Variants in TNRC6B observed in about 807,000 individuals in gnomAD.
The protein encoded by TNRC6B is trinucleotide repeat-containing gene 6B protein.
A neutral mutation model predicts 203.6 loss-of-function variants in TNRC6B; 52 were observed. The observed-to-expected ratio is 0.26, with a 90% CI of 0.20 to 0.32. TNRC6B has a LOEUF of 0.32. Among genes scored for constraint, TNRC6B ranks in the 10% least tolerant of loss-of-function variants. The pLI is 1.00. For synonymous variants in TNRC6B, 838 were observed against 845.7 expected (o/e 0.99, Z 0.16); for missense variants, 1,923 against 2,286.2 (o/e 0.84, Z 3.24).
At chr22:40,313,052 C>T in intron 19 of TNRC6B, 55 bp downstream of exon 19, 1 of 1,407,986 alleles carries the variant, frequency 7.1e-7, no homozygotes, top group Non-Finnish European at 9.9e-7. Flanking sequence ...ATCAGGTTCC[C>T]TTTTATAAAG....
In TNRC6B at chr22:40,300,571, T is replaced by G. The variant is rs1286524073; in HGVS notation, c.3825T>G (p.Ile1275Met). ...QIAMLSQLPQ[I>M]PQFQLACQLL... Reference sequence around the variant, plus strand: ...CCATGCTGAGCCAGCTTCCACAAATTCCCCAGTTTCAGTTGGTAAGTAGAA... The same window carrying G: ...CCATGCTGAGCCAGCTTCCACAAATGCCCCAGTTTCAGTTGGTAAGTAGAA... The change falls in exon 13 of 23, where the codon ATT (isoleucine) becomes ATG (methionine). Residue 1275 changes from isoleucine to methionine, a missense_variant. Ile to Met is a conservative substitution (Grantham distance 10, BLOSUM62 1). Transcript: ENST00000454349. 6.2e-7 allele frequency: 1 copy of G among 1,609,500 alleles called. No individual in the cohort carries two copies. The highest frequency in any genetic ancestry group is 8.5e-7 in the Non-Finnish European group (1 of 1,178,716).
chr22:40,270,587 G>A (rs940435297), intron 6 of TNRC6B, among the ~76,000 whole-genome samples: 1 of 151,962 alleles, frequency 6.6e-6, no homozygotes, highest in African/African-American at 2.4e-5. Flanking sequence ...CAAAGTCCTG[G>A]GACTACAGGC....
chr22:40,255,148 C>G (rs1335509271), intron 3 of TNRC6B, among the ~76,000 whole-genome samples: 3 of 152,184 alleles, frequency 2.0e-5, no homozygotes, highest in Non-Finnish European at 4.4e-5. Flanking sequence ...GTGTCTGACA[C>G]TTAACAGTTC....
At chr22:40,260,430 G>C (rs1284741086) in intron 3 of TNRC6B, among the ~76,000 whole-genome samples, 1 of 152,162 alleles carries the variant, frequency 6.6e-6, no homozygotes, top group South Asian at 2.1e-4. Context: ...GGCCTGGTGA[G>C]GGAGAAGGAC....
upstream of TNRC6B, chr22:40,177,791 A>T: frequency 8.0e-7 from 1 of 1,251,144 alleles, no homozygotes; most frequent in Non-Finnish European, 1.0e-6. Context: ...TTCACAAATG[A>T]AAGTGAGTGG....
At chr22:40,052,248 G>T (rs762992) in intron 1 of TNRC6B, among the ~76,000 whole-genome samples, 6,689 of 152,036 alleles carry the variant, frequency 0.044, 442 homozygotes, top group African/African-American at 0.14. Flanking sequence ...TGGTGTCATT[G>T]TTTTTTTCAT....
intron 1 of TNRC6B, among the ~76,000 whole-genome samples, chr22:40,079,074 C>T (rs1320811881): frequency 7.1e-6 from 1 of 140,734 alleles, no homozygotes. Context: ...AACTCTGTCT[C>T]AAAAAAAAAA....
chr22:40,204,372 G>A (rs181388486), intron 1 of TNRC6B, among the ~76,000 whole-genome samples: 1 of 152,174 alleles, frequency 6.6e-6, no homozygotes, highest in African/African-American at 2.4e-5. Flanking sequence ...TTTTGCCTTT[G>A]TTGGGATGCT....
chr22:40,203,456 A>C (rs555359561), intron 1 of TNRC6B, among the ~76,000 whole-genome samples: 1 of 152,238 alleles, frequency 6.6e-6, no homozygotes, highest in Non-Finnish European at 1.5e-5. Flanking sequence ...AAATGCAAAA[A>C]TGTACAAATT....
In TNRC6B at chr22:40,266,363, A is replaced by G. The variant is rs1569045432; in HGVS notation, c.2133A>G (p.Gly711=). Reference sequence around the variant, plus strand: ...ACAACAACTCTTCCAACTGGGGAGGAGGACGACCTGATGAAAAGACACCTT... The same window carrying G: ...ACAACAACTCTTCCAACTGGGGAGGGGGACGACCTGATGAAAAGACACCTT... The part of the protein sequence containing the change: ...YKNNNSSNWG[G]GRPDEKTPSS... The change falls in exon 5 of 23, where the codon GGA becomes GGG. Residue 711 remains glycine (G), a synonymous_variant. Coordinates refer to ENST00000454349, the MANE Select transcript of TNRC6B (RefSeq NM_001162501.2). 1 of 1,612,148 alleles carries G rather than the reference A, an allele frequency of 6.2e-7. No homozygotes were observed. Among genetic ancestry groups the G allele is most frequent in the Non-Finnish European group, 8.5e-7 (1 of 1,179,060 alleles).
intron 3 of TNRC6B, among the ~76,000 whole-genome samples, chr22:40,130,779 T>TAA (rs200268757): frequency 8.2e-4 from 53 of 64,922 alleles, no homozygotes; most frequent in African/African-American, 2.2e-3. Flanking sequence ...AGACTCCGTC[T>TAA]AAAAAAAAAA....
At chr22:40,292,900 A>G (rs997324008) in intron 12 of TNRC6B, among the ~76,000 whole-genome samples, 3 of 152,186 alleles carry the variant, frequency 2.0e-5, no homozygotes, top group African/African-American at 7.2e-5. Flanking sequence ...GCTTTTCTTT[A>G]TATTCTTTCT....
At chr22:40,112,213 GAAAC>G (rs2068343056) in intron 1 of TNRC6B, among the ~76,000 whole-genome samples, 1 of 152,194 alleles carries the variant, frequency 6.6e-6, no homozygotes, top group Admixed American at 6.5e-5. Context: ...ACTGTCCTGT[GAAAC>G]AGACTGGAAA....
At chr22:40,181,944 G>A (rs2069135643) in intron 1 of TNRC6B, among the ~76,000 whole-genome samples, 2 of 74,490 alleles carry the variant, frequency 2.7e-5, no homozygotes, top group Non-Finnish European at 2.3e-5. Flanking sequence ...ACCCTGTCTC[G>A]AGAGAAAAAA....
At chr22:40,316,109 C>G (rs1246739293) in intron 21 of TNRC6B, 97 bp downstream of exon 21, 1 of 1,113,500 alleles carries the variant, frequency 9.0e-7, no homozygotes, top group East Asian at 2.5e-5. Context: ...AATCCAAGCA[C>G]TTTGGGAGGC....
intron 15 of TNRC6B, among the ~76,000 whole-genome samples, chr22:40,302,734 C>T (rs1333336243): frequency 6.6e-6 from 1 of 152,216 alleles, no homozygotes; most frequent in Admixed American, 6.5e-5. Context: ...GCGCCAACCC[C>T]GTGATCCTCC....
In TNRC6B at chr22:40,264,702, G is replaced by A. The variant is rs367663125; in HGVS notation, c.472G>A (p.Gly158Ser). ...CTGTTCCCCAGACTCAACCCTTGGA[G>A]GTGCTGCTGCTTCAAATTATGCAAA... ...SGTAPDSTLGGAAASNYANST... is the reference protein window; with the variant it reads ...SGTAPDSTLGSAAASNYANST... Residue 158 changes from glycine (G) to serine (S), a missense_variant, in exon 5 of 23, where the codon GGT becomes AGT. Transcript: ENST00000454349. 1 of 1,593,754 alleles carries A rather than the reference G, an allele frequency of 6.3e-7. No individual in the cohort carries two copies. Among genetic ancestry groups the A allele is most frequent in the African/African-American group, 1.3e-5 (1 of 74,312 alleles).
intron 3 of TNRC6B, among the ~76,000 whole-genome samples, chr22:40,134,729 G>A (rs771204019): frequency 1.8e-4 from 27 of 152,072 alleles, no homozygotes; most frequent in Non-Finnish European, 3.4e-4. Context: ...AAATAATAAT[G>A]TATCAATATT....
rs1243179722 is a variant in TNRC6B, at chr22:40,333,161, T to G, written c.*9920T>G. Reference sequence around the variant, plus strand: ...GAGTTTAAGACCAGCCTGGCCAACATGGTGAAACCCCGTCTCTACTAAAAA... The same window carrying G: ...GAGTTTAAGACCAGCCTGGCCAACAGGGTGAAACCCCGTCTCTACTAAAAA... On this transcript the variant is annotated 3_prime_UTR_variant, in exon 23 of 23. Transcript: ENST00000454349. 2.0e-5 allele frequency: 3 copies of G among 152,174 alleles called. No individual in the cohort carries two copies. The highest frequency in any genetic ancestry group is 7.2e-5 in the African/African-American group (3 of 41,416). 9.4% of individuals were successfully genotyped at this position (152,174 alleles called of 1,614,324 possible).
Sources: gnomAD v4.1 joint callset for allele counts (sites outside exome capture counted in the v4.1 genomes callset) on GRCh38, gnomAD v4.1.1 for gene constraint, MANE v1.5 for transcripts, NCBI Gene and HGNC (gene_info 2026-07-23, HGNC 2026-07-21) for gene names.